Variants in OGDH observed in about 807,000 individuals in gnomAD.
OGDH encodes 2-oxoglutarate dehydrogenase complex component E1.
A neutral mutation model predicts 116.6 loss-of-function variants in OGDH; 38 were observed. The observed-to-expected ratio is 0.33, with a 90% CI of 0.25 to 0.43. The LOEUF is 0.43. OGDH is among the 20% of genes least tolerant of loss of function. OGDH has a pLI of 1.00. For missense variants in OGDH, 825 were observed against 1,357.2 expected, an observed-to-expected ratio of 0.61 and a Z score of 6.16; for synonymous variants, 488 against 533.3, an observed-to-expected ratio of 0.92 and a Z score of 1.17.
intron 2 of OGDH, among the ~76,000 whole-genome samples, chr7:44,633,314 A>G (rs1785527987): frequency 1.3e-5 from 2 of 151,634 alleles, no homozygotes; most frequent in South Asian, 4.2e-4. Context: ...GAAAAGGAGC[A>G]AATTGTTCCA....
At chr7:44,693,664 GA>G (rs1788458977) in intron 10 of OGDH, among the ~76,000 whole-genome samples, 160 bp from the exon 11 acceptor site, 1 of 152,060 alleles carries the variant, frequency 6.6e-6, no homozygotes, top group Non-Finnish European at 1.5e-5. Context: ...ATCAGAATAG[GA>G]AAAAACAAAG....
At chr7:44,633,537 C>G (rs932992033) in intron 2 of OGDH, among the ~76,000 whole-genome samples, 2 of 152,198 alleles carry the variant, frequency 1.3e-5, no homozygotes, top group East Asian at 3.9e-4. Flanking sequence ...TTACTGTTCT[C>G]TGGCTCCCCT....
rs1230040255 is a variant in OGDH at position 44,647,783 on chromosome 7, T to C, written c.517+24T>C. 9 of 1,587,240 alleles carry C rather than the reference T, an allele frequency of 5.7e-6. No homozygotes were observed. In the East Asian group the frequency reaches 2.0e-4, roughly 35 times the overall value. Reference sequence around the variant, plus strand: ...TGGTGAGGGTCTGAGAGCAGTCAGCTGCGTTGCTTGAGCTCCTCTCGCTGT... The same window carrying C: ...TGGTGAGGGTCTGAGAGCAGTCAGCCGCGTTGCTTGAGCTCCTCTCGCTGT... On this transcript the variant is annotated intron_variant, in intron 4 of 22. Transcript: ENST00000222673.
chr7:44,695,967 G>T (rs1788564530), intron 12 of OGDH, 58 bp from the exon 13 acceptor site: 2 of 913,620 alleles, frequency 2.2e-6, no homozygotes, highest in African/African-American at 3.2e-5. Flanking sequence ...GGTACAGGTG[G>T]GCGTGTGCAG....
chr7:44,611,586 A>AT (rs1434970274), intron 1 of OGDH, among the ~76,000 whole-genome samples: 1 of 151,354 alleles, frequency 6.6e-6, no homozygotes, highest in Non-Finnish European at 1.5e-5. Context: ...TAATTTTTGT[A>AT]TTTTTTGTAG....
Position 44,675,959 on chromosome 7 carries a change from T to C in OGDH, c.1027-11T>C. 10 of 1,612,428 alleles carry C rather than the reference T, an allele frequency of 6.2e-6. No individual in the cohort carries two copies. The highest frequency in any genetic ancestry group is 1.3e-5 in the African/African-American group (1 of 74,936). On this transcript the variant is annotated splice_polypyrimidine_tract_variant and intron_variant, in intron 8 of 22. Coordinates refer to ENST00000222673, the MANE Select transcript of OGDH (RefSeq NM_002541.4). ...TTGGCCAGGGTGCAAATTCACTGTT[T>C]ACCCCATCAGGGCTCCGGAGATGTG...
At chr7:44,655,956 C>G (rs911404217) in intron 4 of OGDH, among the ~76,000 whole-genome samples, 6 of 152,190 alleles carry the variant, frequency 3.9e-5, no homozygotes, top group African/African-American at 7.2e-5. Flanking sequence ...ATTTTCATCT[C>G]AAAGTAGTGA....
At chr7:44,668,605 C>T (rs1440235486) in intron 5 of OGDH, among the ~76,000 whole-genome samples, 1 of 152,086 alleles carries the variant, frequency 6.6e-6, no homozygotes, top group Non-Finnish European at 1.5e-5. Flanking sequence ...GCATCAGAAG[C>T]TTGTGGCCAG....
intron 10 of OGDH, among the ~76,000 whole-genome samples, chr7:44,687,814 A>G (rs562148847): frequency 6.6e-6 from 1 of 152,194 alleles, no homozygotes; most frequent in Admixed American, 6.6e-5. Flanking sequence ...TCTGCAATTA[A>G]GTGGTTTTTA....
At chr7:44,616,629 A>G (rs1367880647) in intron 1 of OGDH, among the ~76,000 whole-genome samples, 1 of 149,316 alleles carries the variant, frequency 6.7e-6, no homozygotes, top group African/African-American at 2.5e-5. Flanking sequence ...ATATATATAT[A>G]CACATGTTTA....
At chr7:44,671,010 C>CAAAAAAAAAAAAAAA (rs111818473) in intron 5 of OGDH, among the ~76,000 whole-genome samples, 2 of 68,578 alleles carry the variant, frequency 2.9e-5, no homozygotes, top group African/African-American at 4.2e-5. Flanking sequence ...GACTCCATCT[C>CAAAAAAAAAAAAAAA]AAAAAAAAAA....
chr7:44,636,069 T>C (rs912330120), intron 2 of OGDH, among the ~76,000 whole-genome samples: 50 of 150,864 alleles, frequency 3.3e-4, no homozygotes, highest in African/African-American at 1.2e-3. Context: ...TGTTTAGGAC[T>C]TTTACAGACA....
intron 1 of OGDH, among the ~76,000 whole-genome samples, chr7:44,621,625 G>A (rs757642345): frequency 3.3e-5 from 5 of 152,156 alleles, no homozygotes; most frequent in Non-Finnish European, 7.3e-5. Context: ...TGTAATACCA[G>A]CACTTTGGGA....
chr7:44,688,270 C>G (rs567388830), intron 10 of OGDH, among the ~76,000 whole-genome samples: 2 of 151,978 alleles, frequency 1.3e-5, no homozygotes, highest in Middle Eastern at 3.4e-3. Flanking sequence ...ACTCTCGAAG[C>G]TGCAGCAGGA....
intron 4 of OGDH, among the ~76,000 whole-genome samples, chr7:44,666,032 A>G (rs1787169624): frequency 6.6e-6 from 1 of 152,184 alleles, no homozygotes; most frequent in Non-Finnish European, 1.5e-5. Flanking sequence ...GATTGGAGTC[A>G]GGAGATGGGA....
chr7:44,625,803 T>C lies in OGDH; in HGVS notation c.222+1238T>C, dbSNP rs537468108. On this transcript the variant is annotated intron_variant, in intron 2 of 22. Coordinates refer to ENST00000222673, the MANE Select transcript of OGDH (RefSeq NM_002541.4). ...CTTTCCCTTTAAGTATTAGTGACAC[T>C]TACGAATTTTTTTTTTTAATTTAGC... Among the ~76,000 whole-genome samples the C allele has an allele frequency of 1.6e-3, 245 of 151,446 alleles. 1 individual carries two copies. The highest frequency in any genetic ancestry group is 5.8e-3 in the African/African-American group (240 of 41,508).
intron 2 of OGDH, among the ~76,000 whole-genome samples, chr7:44,626,336 T>TACACAC (rs138545641): frequency 1.4e-5 from 2 of 144,410 alleles, no homozygotes; most frequent in Middle Eastern, 3.6e-3. Flanking sequence ...CACACACCCC[T>TACACAC]ACACACACAC....
intron 18 of OGDH, among the ~76,000 whole-genome samples, chr7:44,699,393 C>T (rs1788726978): frequency 1.4e-5 from 2 of 145,916 alleles, no homozygotes; most frequent in South Asian, 2.2e-4. Context: ...CCACTGCACT[C>T]CAGCCTAGGC....
chr7:44,695,141 G>T (rs918827726), intron 12 of OGDH, among the ~76,000 whole-genome samples: 1 of 152,050 alleles, frequency 6.6e-6, no homozygotes, highest in Admixed American at 6.6e-5. Flanking sequence ...TGTCACCCAG[G>T]CTGGAGTGCC....
Sources: allele counts gnomAD v4.1 joint callset (sites outside exome capture counted in the v4.1 genomes callset), GRCh38; gene constraint gnomAD v4.1.1; transcripts MANE v1.5; gene names NCBI Gene and HGNC (gene_info 2026-07-23, HGNC 2026-07-21).